The following AFF3 variants were observed in gnomAD, a reference collection of about 807,000 sequenced individuals.
AFF3 encodes the protein AF4/FMR2 family member 3.
AFF3 carries 32 observed loss-of-function variants against 129.7 expected under a neutral mutation model. The ratio of observed to expected loss-of-function variants is 0.25; its 90% CI spans 0.19 to 0.33. The LOEUF (loss-of-function observed/expected upper bound fraction) is 0.33, where lower values mean the gene tolerates loss of function less well. Among genes scored for constraint, AFF3 ranks in the 10% least tolerant of loss-of-function variants. The pLI is 1.00. For synonymous variants in AFF3, 644 were observed against 635.4 expected (o/e 1.01, Z -0.20); for missense variants, 1,373 against 1,592.0 (o/e 0.86, Z 2.34).
rs550202913 is a variant in AFF3 at position 100,136,242 on chromosome 2, G to C, written c.-228+6242C>G. On this transcript the variant is annotated intron_variant, in intron 1 of 24. Coordinates refer to ENST00000672756, the MANE Select transcript of AFF3 (RefSeq NM_001386135.1). ...CGTTGGTGTTTCAGTGGTCACAGTG[G>C]ACCAGATCATCTGGGAGCGAATGCA... Among the ~76,000 whole-genome samples the C allele has an allele frequency of 3.0e-4, 45 of 152,294 alleles. 1 individual carries two copies. In the South Asian group the frequency reaches 9.3e-3, roughly 32 times the overall value.
At chr2:99,598,620 T>C (rs1679519709) in intron 14 of AFF3, among the ~76,000 whole-genome samples, 1 of 152,218 alleles carries the variant, frequency 6.6e-6, no homozygotes, top group Non-Finnish European at 1.5e-5. Flanking sequence ...CCTACGCCCA[T>C]AGCAGGATGT....
intron 7 of AFF3, among the ~76,000 whole-genome samples, chr2:99,887,039 C>T (rs556167748): frequency 2.0e-5 from 3 of 152,350 alleles, no homozygotes; most frequent in African/African-American, 4.8e-5. Flanking sequence ...TGAACTAGCT[C>T]GCCTAGCTGA....
chr2:99,649,924 G>A (rs1265654470), intron 12 of AFF3, among the ~76,000 whole-genome samples: 1 of 152,184 alleles, frequency 6.6e-6, no homozygotes, highest in Non-Finnish European at 1.5e-5. Context: ...GGGGGGCAAA[G>A]GACTGTACCC....
chr2:99,924,081 TC>T (rs1696054405), intron 7 of AFF3, among the ~76,000 whole-genome samples: 1 of 152,002 alleles, frequency 6.6e-6, no homozygotes, highest in Admixed American at 6.6e-5. Flanking sequence ...ATCAGACATT[TC>T]TCCAACTTAA....
intron 7 of AFF3, among the ~76,000 whole-genome samples, chr2:99,868,299 A>G (rs1202434049): frequency 3.3e-5 from 5 of 152,184 alleles, no homozygotes; most frequent in Admixed American, 2.6e-4. Flanking sequence ...TTTTAATGCT[A>G]AAGTAGCTAA....
intron 7 of AFF3, among the ~76,000 whole-genome samples, chr2:99,935,563 T>C (rs939587534): frequency 2.0e-5 from 3 of 152,240 alleles, no homozygotes; most frequent in African/African-American, 7.2e-5. Flanking sequence ...ACTGAAACAT[T>C]CCAAAGTGTG....
At chr2:99,947,842 T>C (rs140717611) in intron 7 of AFF3, among the ~76,000 whole-genome samples, 1 of 152,200 alleles carries the variant, frequency 6.6e-6, no homozygotes, top group African/African-American at 2.4e-5. Flanking sequence ...ATGGAAAGCA[T>C]GGCACGGGGG....
In AFF3 at chr2:99,621,106, T is replaced by G. The variant is rs1301503311; in HGVS notation, c.1185-19485A>C. On this transcript the variant is annotated intron_variant, in intron 13 of 24. Transcript: ENST00000672756. ...TATCCCTAGAGATGCCTAACCCGAA[T>G]TTCCAACTAGAAGCTGTGTTAATTT... 2.6e-5 allele frequency among the ~76,000 whole-genome samples: 4 copies of G among 152,238 alleles called. No homozygotes were observed. In the East Asian group the frequency reaches 7.7e-4, roughly 29 times the overall value.
chr2:100,076,431 G>A lies in AFF3; in HGVS notation c.53+27971C>T, dbSNP rs137872512. Among the ~76,000 whole-genome samples the A allele has an allele frequency of 1.2e-3, 189 of 152,230 alleles. 4 individuals are homozygous for A. The East Asian group carries it at 0.029, about 23-fold the overall frequency. On this transcript the variant is annotated intron_variant, in intron 4 of 24. Coordinates refer to ENST00000672756, the MANE Select transcript of AFF3 (RefSeq NM_001386135.1). ...CCTCGATACCTGAAAGTAAATACACGTCACCCCAACATGGAAGGCAATGTG... is the reference window on the plus strand; with the variant it reads ...CCTCGATACCTGAAAGTAAATACACATCACCCCAACATGGAAGGCAATGTG...
intron 7 of AFF3, among the ~76,000 whole-genome samples, chr2:99,921,674 C>G (rs1695865498): frequency 6.6e-6 from 1 of 152,094 alleles, no homozygotes. Context: ...AGAGACACTT[C>G]TTGTAACACA....
chr2:100,091,989 C>T (rs1439221109), intron 4 of AFF3, among the ~76,000 whole-genome samples: 1 of 148,630 alleles, frequency 6.7e-6, no homozygotes, highest in Admixed American at 6.6e-5. Flanking sequence ...GTGCCTGCAG[C>T]CTACTTCTCA....
At chr2:99,991,833 G>A (rs1296401927) in intron 7 of AFF3, among the ~76,000 whole-genome samples, 1 of 151,980 alleles carries the variant, frequency 6.6e-6, no homozygotes, top group Non-Finnish European at 1.5e-5. Flanking sequence ...AACCTGGGAG[G>A]TGGAGGTTGC....
At chr2:100,030,104 AGAT>A (rs1316897874) in intron 4 of AFF3, among the ~76,000 whole-genome samples, 1 of 151,300 alleles carries the variant, frequency 6.6e-6, no homozygotes, top group African/African-American at 2.4e-5. Flanking sequence ...AATAATGATA[AGAT>A]GATAAACTTC....
At chr2:100,019,218 G>A (rs554432451) in intron 4 of AFF3, among the ~76,000 whole-genome samples, 42 of 152,210 alleles carry the variant, frequency 2.8e-4, no homozygotes, top group Admixed American at 6.5e-4. Flanking sequence ...TGCTCTTCCC[G>A]AATCCAACTC....
intron 11 of AFF3, among the ~76,000 whole-genome samples, chr2:99,717,103 T>C (rs543382604): frequency 6.6e-6 from 1 of 152,236 alleles, no homozygotes; most frequent in Non-Finnish European, 1.5e-5. Context: ...AGTATTCCAT[T>C]GTATGAATAT....
intron 8 of AFF3, among the ~76,000 whole-genome samples, chr2:99,814,573 G>T (rs1160747871): frequency 7.9e-5 from 12 of 152,120 alleles, no homozygotes; most frequent in Admixed American, 7.9e-4. Context: ...ACAAGAAAAA[G>T]AACCCTCCAA....
chr2:100,001,097 A>G (rs1443858913), intron 7 of AFF3, among the ~76,000 whole-genome samples: 1 of 152,188 alleles, frequency 6.6e-6, no homozygotes, highest in Non-Finnish European at 1.5e-5. Flanking sequence ...GCAGCCCTGT[A>G]ATCTGTTCAG....
At chr2:99,911,834 T>A (rs79929941) in intron 7 of AFF3, among the ~76,000 whole-genome samples, 1 of 152,160 alleles carries the variant, frequency 6.6e-6, no homozygotes, top group East Asian at 1.9e-4. Context: ...ATGTGAAGTT[T>A]CAAGAAGAGG....
chr2:99,650,073 T>G (rs1377964727), intron 12 of AFF3, among the ~76,000 whole-genome samples: 4 of 152,200 alleles, frequency 2.6e-5, no homozygotes, highest in African/African-American at 9.6e-5. Context: ...TCTTTCCCAA[T>G]GAAGGTGTAA....
Sources: gnomAD v4.1 joint callset for allele counts (sites outside exome capture counted in the v4.1 genomes callset) on GRCh38, gnomAD v4.1.1 for gene constraint, MANE v1.5 for transcripts, NCBI Gene and HGNC (gene_info 2026-07-23, HGNC 2026-07-21) for gene names.